PACSIN2: variants seen among roughly 807,000 people sequenced by gnomAD.
The protein encoded by PACSIN2 is protein kinase C and casein kinase substrate in neurons protein 2.
A neutral mutation model predicts 63.8 loss-of-function variants in PACSIN2; 25 were observed. The observed-to-expected ratio is 0.39, with a 90% confidence interval of 0.29 to 0.55. The LOEUF (loss-of-function observed/expected upper bound fraction) is 0.55. Ranked by LOEUF, PACSIN2 falls within the 20% of genes least tolerant of loss-of-function variation. The pLI, the probability that PACSIN2 is intolerant of heterozygous loss-of-function variation, is 0.62. For missense variants in PACSIN2, 518 were observed against 646.9 expected, an observed-to-expected ratio of 0.80 and a Z score of 2.16; for synonymous variants, 255 against 256.2, an observed-to-expected ratio of 1.00 and a Z score of 0.05.
intron 6 of PACSIN2, 106 bp from the exon 7 acceptor site, chr22:42,882,410 G>T: frequency 7.5e-7 from 1 of 1,326,748 alleles, no homozygotes; most frequent in Non-Finnish European, 1.0e-6. Flanking sequence ...CCCTCTGTGA[G>T]TTGGTTTCAC....
At chr22:42,907,523 C>T (rs1221203770) in intron 2 of PACSIN2, among the ~76,000 whole-genome samples, 1 of 152,252 alleles carries the variant, frequency 6.6e-6, no homozygotes, top group Non-Finnish European at 1.5e-5. Flanking sequence ...CACCCTGTCC[C>T]GAGGAGCCCA....
intron 1 of PACSIN2, among the ~76,000 whole-genome samples, chr22:43,009,681 C>G (rs1924324565): frequency 6.6e-6 from 1 of 152,128 alleles, no homozygotes; most frequent in Non-Finnish European, 1.5e-5. Context: ...CGCTCCTCCC[C>G]CTCTGTCATC....
chr22:42,959,756 G>T (rs1006224165), intron 1 of PACSIN2: 12 of 152,170 alleles, frequency 7.9e-5, no homozygotes, highest in African/African-American at 1.9e-4. Flanking sequence ...CTTTCAAAGA[G>T]GTCTACCTTA....
At chr22:42,922,409 T>A (rs968912329) in intron 1 of PACSIN2, among the ~76,000 whole-genome samples, 2 of 130,838 alleles carry the variant, frequency 1.5e-5, no homozygotes, top group Non-Finnish European at 3.7e-5. Flanking sequence ...AAGAACATTC[T>A]GAGTAAAAAG....
chr22:42,974,761 A>AAG (rs1921568955), intron 1 of PACSIN2, among the ~76,000 whole-genome samples: 1 of 151,364 alleles, frequency 6.6e-6, no homozygotes, highest in African/African-American at 2.4e-5. Flanking sequence ...AAAAAAAAAA[A>AAG]AAAAGAAAAG....
intron 2 of PACSIN2, among the ~76,000 whole-genome samples, chr22:42,902,363 C>G (rs2146697928): frequency 6.6e-6 from 1 of 152,296 alleles, no homozygotes; most frequent in East Asian, 1.9e-4. Flanking sequence ...TACCCCTCCC[C>G]CTGGTGGACA....
rs1342253520 is a variant in PACSIN2, at chr22:42,961,412, TC to T, written c.-77-49256del. Among the ~76,000 whole-genome samples, 3 of 109,952 alleles carry T rather than the reference TC, an allele frequency of 2.7e-5. No homozygotes were observed. In the Admixed American group the frequency reaches 3.4e-4, roughly 12 times the overall value. The allele number at this position is 109,952 out of a possible 152,430, so 72.1% of individuals were successfully genotyped here. On this transcript the variant is annotated intron_variant, in intron 1 of 10. Transcript: ENST00000263246. ...ACTATTGTCCTATGACCCTGCCAAA[TC>T]CCCCTCTGTGAGAAACACCCAAGAA...
chr22:42,981,673 A>G (rs1335632251), intron 1 of PACSIN2, among the ~76,000 whole-genome samples: 96 of 88,552 alleles, frequency 1.1e-3, no homozygotes, highest in Admixed American at 1.5e-3. Flanking sequence ...CCGCCCGGCC[A>G]GCCGCCCCGT....
intron 1 of PACSIN2, among the ~76,000 whole-genome samples, chr22:42,971,050 A>G (rs963202599): frequency 1.3e-5 from 2 of 152,200 alleles, no homozygotes; most frequent in African/African-American, 4.8e-5. Context: ...TAAGCTAAAA[A>G]CAATGAAAGG....
At chr22:42,960,818 G>A (rs1934106284) in intron 1 of PACSIN2, among the ~76,000 whole-genome samples, 1 of 152,176 alleles carries the variant, frequency 6.6e-6, no homozygotes, top group African/African-American at 2.4e-5. Context: ...ATGTACACTT[G>A]AGATCTGTGC....
intron 1 of PACSIN2, among the ~76,000 whole-genome samples, chr22:42,926,819 G>A (rs960510984): frequency 4.0e-5 from 6 of 151,758 alleles, no homozygotes; most frequent in South Asian, 2.1e-4. Flanking sequence ...CTCCTGCCTC[G>A]GCAACATAGA....
intron 7 of PACSIN2, chr22:42,880,530 G>T (rs1257028703): frequency 6.6e-6 from 1 of 152,198 alleles, no homozygotes; most frequent in Non-Finnish European, 1.5e-5. Flanking sequence ...TAGGAGCCTA[G>T]CGGGGGCAGC....
intron 2 of PACSIN2, among the ~76,000 whole-genome samples, chr22:42,903,990 C>T (rs879540155): frequency 3.3e-5 from 5 of 152,132 alleles, no homozygotes; most frequent in African/African-American, 9.7e-5. Flanking sequence ...CAGATTTCAA[C>T]AATCATAAAG....
chr22:42,971,495 C>A (rs1569338456), intron 1 of PACSIN2, among the ~76,000 whole-genome samples: 2 of 152,238 alleles, frequency 1.3e-5, no homozygotes, highest in African/African-American at 2.4e-5. Flanking sequence ...GCAGCCTCTG[C>A]CCGGCCGCCA....
chr22:42,919,646 G>A (rs1361074055), intron 1 of PACSIN2, among the ~76,000 whole-genome samples: 1 of 151,726 alleles, frequency 6.6e-6, no homozygotes, highest in Admixed American at 6.6e-5. Flanking sequence ...GGTAGCATGC[G>A]CCTGTAATCT....
intron 6 of PACSIN2, among the ~76,000 whole-genome samples, chr22:42,883,890 G>A (rs1165083776): frequency 6.6e-6 from 1 of 152,170 alleles, no homozygotes; most frequent in Non-Finnish European, 1.5e-5. Context: ...TGTAATCCCA[G>A]CTACTCGGGA....
rs149757655 is a variant in PACSIN2 at position 42,888,796 on chromosome 22, T to C, written c.456A>G (p.Val152=). The C allele has an allele frequency of 4.2e-4, 684 of 1,614,144 alleles. No individual in the cohort carries two copies. The African/African-American group carries it at 7.8e-3, about 18-fold the overall frequency. Residue 152 remains valine, a splice_region_variant and synonymous_variant, in exon 5 of 11, where the codon GTA becomes GTG. Coordinates refer to ENST00000263246, the MANE Select transcript of PACSIN2 (RefSeq NM_001184970.3). ...CATGGTGGGCTTTCTTTGCTGCTTC[T>C]ACCTACAGGGAGAATGAGTTCCTGA... ...QKPWAKKLKE[V]EAAKKAHHAA...
At chr22:43,004,914 A>T (rs528950702) in intron 1 of PACSIN2, among the ~76,000 whole-genome samples, 86 of 152,338 alleles carry the variant, frequency 5.6e-4, no homozygotes, top group Non-Finnish European at 1.2e-3. Flanking sequence ...CCTCTAAACA[A>T]TGAAAAGGGA....
chr22:42,950,698 AAT>A (rs1457706403), intron 1 of PACSIN2, among the ~76,000 whole-genome samples: 4 of 152,164 alleles, frequency 2.6e-5, no homozygotes, highest in African/African-American at 9.7e-5. Flanking sequence ...TTTATCTAAA[AAT>A]ATATGTTTAA....
Sources: gnomAD v4.1 joint callset for allele counts (sites outside exome capture counted in the v4.1 genomes callset) on GRCh38, gnomAD v4.1.1 for gene constraint, MANE v1.5 for transcripts, NCBI Gene and HGNC (gene_info 2026-07-23, HGNC 2026-07-21) for gene names.